Variants in CNTNAP2 observed in about 807,000 individuals in gnomAD.
CNTNAP2 encodes contactin-associated protein-like 2.
Under a neutral mutation model 155.2 loss-of-function variants are expected in CNTNAP2, and 98 were observed. The observed-to-expected ratio is 0.63, with a 90% CI of 0.54 to 0.75. The LOEUF (loss-of-function observed/expected upper bound fraction) is 0.75. CNTNAP2 is among the 30% of genes least tolerant of loss of function. The probability of loss-of-function intolerance (pLI) is 0.00; values close to 1 mark genes in which losing one functional copy is unlikely to be tolerated. For synonymous variants in CNTNAP2, 651 were observed against 631.2 expected (o/e 1.03, Z -0.47); for missense variants, 1,727 against 1,688.1 (o/e 1.02, Z -0.40).
At position 147,279,092 on chromosome 7, in the gene CNTNAP2, A is replaced by G. The variant is rs541689564; in HGVS notation, c.1349-21049A>G. 2.6e-5 allele frequency among the ~76,000 whole-genome samples: 4 copies of G among 151,754 alleles called. 1 individual carries two copies. The highest frequency in any genetic ancestry group is 9.6e-5 in the African/African-American group (4 of 41,512). ...CCCTATCTTTATGATATTATGCCAA[A>G]TGTGTTAGTAATACTTACCTACATT... On this transcript the variant is annotated intron_variant, in intron 8 of 23. Transcript: ENST00000361727.
chr7:147,532,339 C>T (rs1024373487), intron 11 of CNTNAP2, among the ~76,000 whole-genome samples: 1 of 152,194 alleles, frequency 6.6e-6, no homozygotes, highest in African/African-American at 2.4e-5. Flanking sequence ...CATAACAAAA[C>T]TTACCTTTGA....
intron 10 of CNTNAP2, among the ~76,000 whole-genome samples, chr7:147,406,089 T>C (rs1797000034): frequency 6.6e-6 from 1 of 152,196 alleles, no homozygotes; most frequent in Non-Finnish European, 1.5e-5. Flanking sequence ...ACCCAACATA[T>C]TGAAGACTTG....
At chr7:147,622,774 A>G (rs986016615) in intron 12 of CNTNAP2, among the ~76,000 whole-genome samples, 5 of 152,046 alleles carry the variant, frequency 3.3e-5, no homozygotes, top group Admixed American at 6.6e-5. Context: ...AAGAAATAAT[A>G]AAGATCAGAG....
intron 1 of CNTNAP2, among the ~76,000 whole-genome samples, chr7:146,509,974 G>T (rs906211747): frequency 2.0e-5 from 3 of 152,068 alleles, no homozygotes; most frequent in African/African-American, 7.2e-5. Flanking sequence ...CCATATTGGG[G>T]CCACACGGCT....
intron 18 of CNTNAP2, among the ~76,000 whole-genome samples, chr7:148,193,195 A>G (rs1005465001): frequency 2.6e-5 from 4 of 152,160 alleles, no homozygotes; most frequent in South Asian, 2.1e-4. Flanking sequence ...CAGCCTGACC[A>G]TACTGCACAG....
intron 3 of CNTNAP2, among the ~76,000 whole-genome samples, chr7:147,009,313 A>G (rs1798581970): frequency 6.6e-6 from 1 of 152,112 alleles, no homozygotes. Flanking sequence ...AAAACATCAG[A>G]TTTATAAAAA....
At chr7:147,870,789 G>A (rs1216912718) in intron 13 of CNTNAP2, among the ~76,000 whole-genome samples, 1 of 152,126 alleles carries the variant, frequency 6.6e-6, no homozygotes, top group African/African-American at 2.4e-5. Flanking sequence ...AACATAAGGA[G>A]GATGGGATCC....
chr7:147,863,306 T>G (rs1026711877), intron 13 of CNTNAP2, among the ~76,000 whole-genome samples: 2 of 152,166 alleles, frequency 1.3e-5, no homozygotes, highest in Non-Finnish European at 2.9e-5. Flanking sequence ...ATATATGCCA[T>G]ATTTTCTTAA....
intron 1 of CNTNAP2, among the ~76,000 whole-genome samples, chr7:146,620,630 G>T (rs1241612298): frequency 1.3e-5 from 2 of 151,844 alleles, no homozygotes; most frequent in Non-Finnish European, 2.9e-5. Context: ...CTTAAAGTTG[G>T]ATCCCTTATA....
At chr7:147,457,117 A>G (rs1797929924) in intron 10 of CNTNAP2, among the ~76,000 whole-genome samples, 1 of 152,138 alleles carries the variant, frequency 6.6e-6, no homozygotes, top group Admixed American at 6.5e-5. Flanking sequence ...TCATATGTCT[A>G]TTCCAAAAAG....
intron 1 of CNTNAP2, among the ~76,000 whole-genome samples, chr7:146,509,155 C>T (rs1170518955): frequency 6.6e-6 from 1 of 152,198 alleles, no homozygotes; most frequent in African/African-American, 2.4e-5. Context: ...GCTGCATACC[C>T]ATCTCCTGAA....
intron 20 of CNTNAP2, among the ~76,000 whole-genome samples, chr7:148,246,082 CT>C (rs1796257643): frequency 6.6e-6 from 1 of 152,218 alleles, no homozygotes; most frequent in Admixed American, 6.5e-5. Flanking sequence ...TGAAGTCACT[CT>C]CTATGTAATG....
chr7:148,046,228 G>C (rs890046445), intron 15 of CNTNAP2, among the ~76,000 whole-genome samples: 6 of 152,100 alleles, frequency 3.9e-5, no homozygotes, highest in Admixed American at 2.0e-4. Flanking sequence ...TTACACTCGT[G>C]AGCCATTGTG....
At position 146,121,119 on chromosome 7, in the gene CNTNAP2, C is replaced by CTTTTTTTTTTTT. The variant is rs745449281; in HGVS notation, c.97+4162_97+4173dup. On this transcript the variant is annotated intron_variant, in intron 1 of 23. Coordinates refer to ENST00000361727, the MANE Select transcript of CNTNAP2 (RefSeq NM_014141.6). ...TGTCTTAAAGTTTACATAAAGCTTC[C>CTTTTTTTTTTTT]TTTTTTTTTTTTTTTTTTTTTTTTT... Among the ~76,000 whole-genome samples, 57 of 65,790 alleles carry CTTTTTTTTTTTT rather than the reference C, an allele frequency of 8.7e-4. 6 individuals carry two copies. The highest frequency in any genetic ancestry group is 1.2e-3 in the Non-Finnish European group (42 of 34,820). 43.2% of individuals were successfully genotyped at this position (65,790 alleles called of 152,430 possible).
chr7:148,168,677 C>G (rs954042582), intron 17 of CNTNAP2, among the ~76,000 whole-genome samples: 1 of 152,004 alleles, frequency 6.6e-6, no homozygotes, highest in Non-Finnish European at 1.5e-5. Flanking sequence ...CTAACCTGCA[C>G]GTTGTGCACA....
At chr7:147,665,151 G>C (rs949650126) in intron 13 of CNTNAP2, among the ~76,000 whole-genome samples, 1 of 152,068 alleles carries the variant, frequency 6.6e-6, no homozygotes, top group African/African-American at 2.4e-5. Flanking sequence ...ACCCCACCAA[G>C]TAACCACTAT....
chr7:147,674,781 G>A (rs549728641), intron 13 of CNTNAP2, among the ~76,000 whole-genome samples: 4 of 152,160 alleles, frequency 2.6e-5, no homozygotes, highest in African/African-American at 9.6e-5. Flanking sequence ...AGGGAGGTAA[G>A]GTTAGATTTT....
chr7:146,758,247 G>A (rs1361950732), intron 1 of CNTNAP2, among the ~76,000 whole-genome samples: 1 of 152,064 alleles, frequency 6.6e-6, no homozygotes, highest in Non-Finnish European at 1.5e-5. Context: ...CTGTACCTTT[G>A]CTTGTTTCTG....
intron 1 of CNTNAP2, among the ~76,000 whole-genome samples, chr7:146,362,808 G>A (rs1418436867): frequency 8.7e-6 from 1 of 115,500 alleles, no homozygotes; most frequent in Non-Finnish European, 1.6e-5. Context: ...GTCTCGCTCT[G>A]TTGCCAGACT....
Sources: allele counts gnomAD v4.1 joint callset (sites outside exome capture counted in the v4.1 genomes callset), GRCh38; gene constraint gnomAD v4.1.1; transcripts MANE v1.5; gene names NCBI Gene and HGNC (gene_info 2026-07-23, HGNC 2026-07-21).